The following TMPRSS3 variants were observed in gnomAD, a reference collection of about 807,000 sequenced individuals.
TMPRSS3 encodes the protein transmembrane serine protease 3.
In TMPRSS3, 55 loss-of-function variants were observed where a neutral mutation model predicts 59.6. The ratio of observed to expected loss-of-function variants is 0.92; its 90% CI spans 0.74 to 1.16. TMPRSS3 has a LOEUF of 1.16. Among genes scored for constraint, TMPRSS3 ranks in the 50% most tolerant of loss-of-function variants. TMPRSS3 has a pLI of 0.00. For missense variants in TMPRSS3, 596 were observed against 579.4 expected, an observed-to-expected ratio of 1.03 and a Z score of -0.29; for synonymous variants, 257 against 237.7, an observed-to-expected ratio of 1.08 and a Z score of -0.75.
chr21:42,393,604 A>C (rs2052761938), intron 2 of TMPRSS3, among the ~76,000 whole-genome samples: 1 of 152,240 alleles, frequency 6.6e-6, no homozygotes, highest in South Asian at 2.1e-4. Flanking sequence ...GTGAAATAAC[A>C]AATGAGGTAC....
rs1452628716 is a variant in TMPRSS3, at chr21:42,385,439, A to G, written c.542T>C (p.Val181Ala). The change falls in exon 6 of 13, where the codon GTG becomes GCG. Residue 181 changes from valine (V) to alanine (A), a missense_variant. By Grantham distance (64) the Val-to-Ala change is moderately conservative. Transcript: ENST00000644384. ...SIDHLLPDDK[V>A]TALHHSVYVR... ...ATATACTGAGTGGTGTAATGCAGTC[A>G]CCTTGTCATCTGGCAAGAGGTGATC... 7 of 1,613,962 alleles carry G rather than the reference A, an allele frequency of 4.3e-6. No homozygotes were observed. Among genetic ancestry groups the G allele is most frequent in the Non-Finnish European group, 5.9e-6 (7 of 1,180,010 alleles).
intron 12 of TMPRSS3, among the ~76,000 whole-genome samples, chr21:42,374,757 GA>G (rs937308312): frequency 4.6e-5 from 7 of 151,382 alleles, no homozygotes; most frequent in Non-Finnish European, 8.9e-5. Flanking sequence ...TTGAATTAGG[GA>G]AAAAAAACGT....
Position 42,388,915 on chromosome 21 carries a change from A to G in TMPRSS3, c.322+14T>C. ...CTTCCTTCTGTTTCCCCAGGGGAAG[A>G]GCCATGACCTTACCACAGCGGTACT... On this transcript the variant is annotated intron_variant, in intron 4 of 12. Transcript: ENST00000644384. This position sits in a 1 kb window ranked among gnomAD's most constrained non-coding sequence, Gnocchi z 5.1. 1.2e-6 allele frequency: 2 copies of G among 1,609,590 alleles called. No homozygotes were observed. Among genetic ancestry groups the G allele is most frequent in the Non-Finnish European group, 1.7e-6 (2 of 1,176,068 alleles).
rs114193830 is a variant in TMPRSS3 at position 42,388,238 on chromosome 21, C to T, written c.446+165G>A. On this transcript the variant is annotated intron_variant, in intron 5 of 12. Coordinates refer to ENST00000644384, the MANE Select transcript of TMPRSS3 (RefSeq NM_001256317.3). This position sits in a 1 kb window ranked among gnomAD's most constrained non-coding sequence, Gnocchi z 5.1. ...ACTTAGCCTGTCTGGCCTTGGTTTG[C>T]TTGCCTGTGAAGTGAGGATGATATC... 6.8e-4 allele frequency among the ~76,000 whole-genome samples: 104 copies of T among 152,350 alleles called. No individual in the cohort carries two copies. Among genetic ancestry groups the T allele is most frequent in the African/African-American group, 2.4e-3 (101 of 41,580 alleles).
chr21:42,388,736 A>C lies in TMPRSS3; in HGVS notation c.322+193T>G, dbSNP rs888373526. On this transcript the variant is annotated intron_variant, in intron 4 of 12. Transcript: ENST00000644384. The surrounding 1 kb of genome is among the most constrained non-coding windows in gnomAD (Gnocchi z 5.1). ...TTATTGCTTATGTGGTCTCCCCAAG[A>C]GAGCCAGAGCTCCATGGAAGGCCCT... Among the ~76,000 whole-genome samples, 6 of 152,112 alleles carry C rather than the reference A, an allele frequency of 3.9e-5. No homozygotes were observed. Among genetic ancestry groups the C allele is most frequent in the Non-Finnish European group, 7.4e-5 (5 of 68,010 alleles).
Position 42,380,256 on chromosome 21 carries a change from A to G in TMPRSS3, c.953-44T>C, listed in dbSNP as rs752138370. On this transcript the variant is annotated intron_variant, in intron 9 of 12. Transcript: ENST00000644384. ...TAGTTCACAACTCAATTGAAGCAGG[A>G]GTCCGAGAAAACAATCTCATCTATG... 5 of 1,518,442 alleles carry G rather than the reference A, an allele frequency of 3.3e-6. No homozygotes were observed. In the African/African-American group the frequency reaches 6.8e-5, roughly 21 times the overall value. The allele number at this position is 1,518,442 out of a possible 1,614,324, so 94.1% of individuals were successfully genotyped here.
Position 42,372,798 on chromosome 21 carries a change from G to C in TMPRSS3, c.1345-19C>G, listed in dbSNP as rs367601779. 4 of 1,613,784 alleles carry C rather than the reference G, an allele frequency of 2.5e-6. No individual in the cohort carries two copies. The African/African-American group carries it at 5.3e-5, about 22-fold the overall frequency. On this transcript the variant is annotated intron_variant, in intron 12 of 12. Coordinates refer to ENST00000644384, the MANE Select transcript of TMPRSS3 (RefSeq NM_001256317.3). Reference sequence around the variant, plus strand: ...GGTCTCTCTATAAATGAAAACAAAGGCGTTATTGTTTTTAGCACTTCCAGC... The same window carrying C: ...GGTCTCTCTATAAATGAAAACAAAGCCGTTATTGTTTTTAGCACTTCCAGC...
intron 10 of TMPRSS3, among the ~76,000 whole-genome samples, chr21:42,377,925 C>A (rs982657395): frequency 4.6e-5 from 7 of 152,230 alleles, no homozygotes; most frequent in Non-Finnish European, 8.8e-5. Flanking sequence ...AAATCGGCAG[C>A]GGGATGGAGA....
intron 12 of TMPRSS3, among the ~76,000 whole-genome samples, 172 bp downstream of exon 12, chr21:42,375,544 A>T (rs1177163497): frequency 6.6e-6 from 1 of 151,662 alleles, no homozygotes; most frequent in Non-Finnish European, 1.5e-5. Flanking sequence ...ACTAGCTGTG[A>T]TCTCTGTTTT....
At chr21:42,374,767 G>A (rs776809164) in intron 12 of TMPRSS3, among the ~76,000 whole-genome samples, 2 of 152,244 alleles carry the variant, frequency 1.3e-5, no homozygotes, top group Non-Finnish European at 2.9e-5. Context: ...GAAAAAAAAC[G>A]TACTTACTTT....
chr21:42,392,693 C>T (rs225314), intron 2 of TMPRSS3, among the ~76,000 whole-genome samples: 37,414 of 152,160 alleles, frequency 0.25, 4,786 homozygotes, highest in East Asian at 0.37. Context: ...CTCGATCCCC[C>T]GCACACTAAC....
chr21:42,374,669 T>C lies in TMPRSS3; in HGVS notation c.1344+1047A>G, dbSNP rs191859844. 2.0e-5 allele frequency among the ~76,000 whole-genome samples: 3 copies of C among 152,236 alleles called. No individual in the cohort carries two copies. In the East Asian group the frequency reaches 5.8e-4, roughly 29 times the overall value. On this transcript the variant is annotated intron_variant, in intron 12 of 12. Transcript: ENST00000644384. ...GCTGGGAACTGACAAAGGTGGTGTC[T>C]GCACAGCCCTGTGAATGTGCTGATG... is the stretch of plus-strand genomic sequence containing the variant.
rs2052564686 is a variant in TMPRSS3 at position 42,383,161 on chromosome 21, C to A, written c.654G>T (p.Val218=). 1.9e-6 allele frequency: 3 copies of A among 1,614,058 alleles called. No individual in the cohort carries two copies. Among genetic ancestry groups the A allele is most frequent in the African/African-American group, 1.3e-5 (1 of 74,920 alleles). The change falls in exon 8 of 13, where the codon GTG becomes GTT. Residue 218 remains valine, a synonymous_variant. Transcript: ENST00000644384. ...GCGAGAGCAAGGACATGTTTCCACC[C>A]ACGATGCGTGAGCTGTAGCCCCTTC... ...GHRRGYSSRI[V]GGNMSLLSQW... is the part of the protein sequence containing the mutation.
rs930861270 is a variant in TMPRSS3 at position 42,383,953 on chromosome 21, C to T, written c.616+17G>A. On this transcript the variant is annotated intron_variant, in intron 7 of 12. Coordinates refer to ENST00000644384, the MANE Select transcript of TMPRSS3 (RefSeq NM_001256317.3). ...GTGCTTGCTCCCCCTGGACCCCTGC[C>T]TTTCTGGAACTCTTACCTGTGCACT... 6.2e-7 allele frequency: 1 copy of T among 1,614,082 alleles called. No individual in the cohort carries two copies. The highest frequency in any genetic ancestry group is 8.5e-7 in the Non-Finnish European group (1 of 1,179,962).
At position 42,388,987 on chromosome 21, in the gene TMPRSS3, C is replaced by T. The variant is rs1233200337; in HGVS notation, c.264G>A (p.Leu88=). Residue 88 remains leucine, a synonymous_variant, in exon 4 of 13, where the codon CTG becomes CTA. Coordinates refer to ENST00000644384, the MANE Select transcript of TMPRSS3 (RefSeq NM_001256317.3). This position sits in a 1 kb window ranked among gnomAD's most constrained non-coding sequence, Gnocchi z 5.1. ...CCGAGACTCCGTCACATCGAGCTAT[C>T]AGCTCGATACACTTAAAGGATGAGC... ...RCRSSFKCIE[L]IARCDGVSDC... 6.2e-7 allele frequency: 1 copy of T among 1,614,182 alleles called. No homozygotes were observed. Among genetic ancestry groups the T allele is most frequent in the East Asian group, 2.2e-5 (1 of 44,888 alleles).
At chr21:42,391,599 A>G (rs2052735814) in intron 2 of TMPRSS3, among the ~76,000 whole-genome samples, 1 of 152,204 alleles carries the variant, frequency 6.6e-6, no homozygotes, top group African/African-American at 2.4e-5. Flanking sequence ...TAACTCTGGG[A>G]TATGCAGCAG....
At chr21:42,374,987 C>CT (rs2052396281) in intron 12 of TMPRSS3, among the ~76,000 whole-genome samples, 1 of 114,510 alleles carries the variant, frequency 8.7e-6, no homozygotes, top group Admixed American at 8.6e-5. Flanking sequence ...TGAAACCATC[C>CT]CAAGGAGAGA....
rs368317331 is a variant in TMPRSS3 at position 42,389,093 on chromosome 21, T to G, written c.206-48A>C. 42 of 1,611,490 alleles carry G rather than the reference T, an allele frequency of 2.6e-5. No individual in the cohort carries two copies. The African/African-American group carries it at 4.7e-4, about 18-fold the overall frequency. Reference sequence around the variant, plus strand: ...GAATTAACCAACAGCTCTTTCAGAGTGCAACACTAACAACTGTCCCCCTGC... The same window carrying G: ...GAATTAACCAACAGCTCTTTCAGAGGGCAACACTAACAACTGTCCCCCTGC... On this transcript the variant is annotated intron_variant, in intron 3 of 12. Transcript: ENST00000644384.
chr21:42,373,514 G>A (rs560318991), intron 12 of TMPRSS3, among the ~76,000 whole-genome samples: 1 of 152,194 alleles, frequency 6.6e-6, no homozygotes, highest in African/African-American at 2.4e-5. Flanking sequence ...TTCTCAGTGT[G>A]CCCTGAAGCC....
Sources: allele counts gnomAD v4.1 joint callset (sites outside exome capture counted in the v4.1 genomes callset), GRCh38; gene constraint gnomAD v4.1.1; non-coding constraint Gnocchi (gnomAD v3.1); transcripts MANE v1.5; gene names NCBI Gene and HGNC (gene_info 2026-07-23, HGNC 2026-07-21).